SLC1A2: variants seen among roughly 807,000 people sequenced by gnomAD.
SLC1A2 encodes the protein excitatory amino acid transporter 2.
In SLC1A2, 15 loss-of-function variants were observed where a neutral mutation model predicts 48.8. The observed-to-expected ratio is 0.31, with a 90% CI of 0.21 to 0.47. SLC1A2 has a LOEUF of 0.47. Ranked by LOEUF, SLC1A2 falls within the 20% of genes least tolerant of loss-of-function variation. The pLI, the probability that SLC1A2 is intolerant of heterozygous loss-of-function variation, is 0.99. For missense variants in SLC1A2, 502 were observed against 730.5 expected (o/e 0.69, Z 3.61); for synonymous variants, 279 against 272.6 (o/e 1.02, Z -0.23).
chr11:35,379,345 T>G (rs1477771780), intron 1 of SLC1A2, among the ~76,000 whole-genome samples: 1 of 152,258 alleles, frequency 6.6e-6, no homozygotes, highest in Non-Finnish European at 1.5e-5. Context: ...ATTTTTAGAC[T>G]GCCCTGATTC....
chr11:35,306,041 G>A (rs1479206672), intron 5 of SLC1A2, 33 bp downstream of exon 5: 5 of 1,605,934 alleles, frequency 3.1e-6, no homozygotes, highest in Admixed American at 3.3e-5. Flanking sequence ...CCATTGCCAG[G>A]GAAGCAGAAT....
intron 8 of SLC1A2, among the ~76,000 whole-genome samples, chr11:35,282,279 T>C (rs1433679524): frequency 1.3e-5 from 2 of 152,054 alleles, no homozygotes; most frequent in African/African-American, 2.4e-5. Flanking sequence ...GGAGGTACAG[T>C]GTGGAGTGCT....
chr11:35,285,914 G>A (rs1466104948), intron 8 of SLC1A2: 1 of 152,138 alleles, frequency 6.6e-6, no homozygotes, highest in Non-Finnish European at 1.5e-5. Context: ...ATTGGCTTCT[G>A]GCTTAATTGA....
chr11:35,388,273 C>T (rs1297059402), intron 1 of SLC1A2, among the ~76,000 whole-genome samples: 2 of 152,226 alleles, frequency 1.3e-5, no homozygotes, highest in Non-Finnish European at 1.5e-5. Flanking sequence ...CATCCCATTG[C>T]TAAAGAGCAG....
At chr11:35,305,683 A>G (rs1425094231) in intron 5 of SLC1A2, among the ~76,000 whole-genome samples, 1 of 152,212 alleles carries the variant, frequency 6.6e-6, no homozygotes, top group Non-Finnish European at 1.5e-5. Flanking sequence ...CAGCCCCCGC[A>G]CCTAGCACAG....
At chr11:35,363,280 A>G (rs969520492) in intron 1 of SLC1A2, among the ~76,000 whole-genome samples, 2 of 152,100 alleles carry the variant, frequency 1.3e-5, no homozygotes, top group African/African-American at 4.8e-5. Flanking sequence ...CCAGATGACA[A>G]TTTTGGGGTT....
At chr11:35,403,723 G>A (rs1855198745) in intron 1 of SLC1A2, among the ~76,000 whole-genome samples, 1 of 151,810 alleles carries the variant, frequency 6.6e-6, no homozygotes, top group Admixed American at 6.6e-5. Context: ...AAATTCTTGA[G>A]GTAAAGAACT....
intron 1 of SLC1A2, among the ~76,000 whole-genome samples, chr11:35,398,230 A>C (rs1855030305): frequency 6.6e-6 from 1 of 152,194 alleles, no homozygotes; most frequent in South Asian, 2.1e-4. Context: ...AGGGGATAGA[A>C]AAAAAATATG....
chr11:35,321,361 T>C (rs1181918167), intron 1 of SLC1A2, among the ~76,000 whole-genome samples: 1 of 152,096 alleles, frequency 6.6e-6, no homozygotes, highest in African/African-American at 2.4e-5. Context: ...TTGTATCAAG[T>C]GTCCAGGGAA....
At chr11:35,372,996 A>G (rs1291921298) in intron 1 of SLC1A2, among the ~76,000 whole-genome samples, 1 of 152,228 alleles carries the variant, frequency 6.6e-6, no homozygotes, top group Non-Finnish European at 1.5e-5. Flanking sequence ...ATGCAAGCCC[A>G]GGCAGCCTGG....
intron 5 of SLC1A2, among the ~76,000 whole-genome samples, chr11:35,303,961 C>T (rs1393622865): frequency 1.3e-5 from 2 of 152,168 alleles, no homozygotes; most frequent in African/African-American, 2.4e-5. Flanking sequence ...GTGGAAAGAA[C>T]CTTATTTCAG....
chr11:35,310,557 T>G (rs1374601528), intron 4 of SLC1A2, among the ~76,000 whole-genome samples: 2 of 152,222 alleles, frequency 1.3e-5, no homozygotes. Context: ...TAATCTGGGC[T>G]CAGCAATGGT....
intron 1 of SLC1A2, among the ~76,000 whole-genome samples, chr11:35,339,744 T>C: frequency 6.6e-6 from 1 of 152,198 alleles, no homozygotes; most frequent in East Asian, 1.9e-4. Context: ...TATACATGTA[T>C]AATTGTATAT....
At chr11:35,343,696 G>A (rs554499117) in intron 1 of SLC1A2, among the ~76,000 whole-genome samples, 23 of 152,190 alleles carry the variant, frequency 1.5e-4, no homozygotes, top group Admixed American at 3.3e-4. Context: ...AGTAGCAGTA[G>A]TATTAGCATC....
chr11:35,385,095 G>GC (rs911209742), intron 1 of SLC1A2, among the ~76,000 whole-genome samples: 1 of 152,158 alleles, frequency 6.6e-6, no homozygotes, highest in African/African-American at 2.4e-5. Flanking sequence ...ATTTCTAGAG[G>GC]CCCCAGAGTG....
chr11:35,362,098 G>T (rs1219170719), intron 1 of SLC1A2, among the ~76,000 whole-genome samples: 2 of 152,204 alleles, frequency 1.3e-5, no homozygotes, highest in African/African-American at 4.8e-5. Context: ...TTCTCACCTG[G>T]TATAGGCAAT....
Position 35,306,058 on chromosome 11 carries a change from C to T in SLC1A2, c.730+16G>A, listed in dbSNP as rs1438333928. 1.9e-6 allele frequency: 3 copies of T among 1,611,438 alleles called. No homozygotes were observed. The highest frequency in any genetic ancestry group is 2.5e-6 in the Non-Finnish European group (3 of 1,178,204). ...ATTGCCAGGGAAGCAGAATCCCGGA[C>T]CACCAGCTGGCCTACCTAAGACGTT... On this transcript the variant is annotated intron_variant, in intron 5 of 10. Coordinates refer to ENST00000278379, the MANE Select transcript of SLC1A2 (RefSeq NM_004171.4).
intron 1 of SLC1A2, among the ~76,000 whole-genome samples, chr11:35,392,637 A>G (rs1377941846): frequency 1.3e-5 from 2 of 151,642 alleles, no homozygotes; most frequent in Non-Finnish European, 2.9e-5. Flanking sequence ...CTAAATTAAG[A>G]CTCCCGGGGT....
In SLC1A2 at chr11:35,267,425, T is replaced by C. The variant is rs1328928294; in HGVS notation, c.1422-1667A>G. Among the ~76,000 whole-genome samples, 8 of 152,310 alleles carry C rather than the reference T, an allele frequency of 5.3e-5. No homozygotes were observed. The South Asian group carries it at 1.4e-3, about 28-fold the overall frequency. Reference sequence around the variant, plus strand: ...AAAGTGCTTACATGCTTCCGGACATTTAATAAGAACTCAAAAAAATTATTT... The same window carrying C: ...AAAGTGCTTACATGCTTCCGGACATCTAATAAGAACTCAAAAAAATTATTT... On this transcript the variant is annotated intron_variant, in intron 9 of 10. Coordinates refer to ENST00000278379, the MANE Select transcript of SLC1A2 (RefSeq NM_004171.4).
Sources: gnomAD v4.1 joint callset for allele counts (sites outside exome capture counted in the v4.1 genomes callset) on GRCh38, gnomAD v4.1.1 for gene constraint, MANE v1.5 for transcripts, NCBI Gene and HGNC (gene_info 2026-07-23, HGNC 2026-07-21) for gene names.